Variants in PDE1C observed in about 807,000 individuals in gnomAD.
PDE1C encodes the protein dual specificity calcium/calmodulin-dependent 3',5'-cyclic nucleotide phosphodiesterase 1C.
PDE1C carries 62 observed loss-of-function variants against 93.1 expected under a neutral mutation model. That is an observed-to-expected ratio of 0.67 (90% CI 0.54 to 0.82). The LOEUF (loss-of-function observed/expected upper bound fraction) is 0.82, where lower values mean the gene tolerates loss of function less well. Among genes scored for constraint, PDE1C ranks in the 40% least tolerant of loss-of-function variants. The pLI is 0.00. For synonymous variants in PDE1C, 325 were observed against 310.1 expected, an observed-to-expected ratio of 1.05 and a Z score of -0.50; for missense variants, 742 against 884.6, an observed-to-expected ratio of 0.84 and a Z score of 2.04.
chr7:32,283,970 G>A (rs950292147), intron 1 of PDE1C, among the ~76,000 whole-genome samples: 2 of 152,176 alleles, frequency 1.3e-5, no homozygotes, highest in African/African-American at 2.4e-5. Context: ...ATACTACCTT[G>A]ATCAACAGGG....
intron 2 of PDE1C, among the ~76,000 whole-genome samples, chr7:31,905,802 A>C (rs1319975607): frequency 1.3e-5 from 2 of 152,120 alleles, no homozygotes; most frequent in Non-Finnish European, 2.9e-5. Context: ...TTAAGGGAGG[A>C]ACCTGGTAGG....
chr7:32,054,160 C>T lies in PDE1C; in HGVS notation c.102-2580G>A, dbSNP rs757189298. On this transcript the variant is annotated intron_variant, in intron 1 of 17. Transcript: ENST00000396191. ...GGGAGTGTCACCTCTTGTGGGAAGC[C>T]GCATTACACACCCTCTTCTGTGCTC... 8.5e-4 allele frequency among the ~76,000 whole-genome samples: 129 copies of T among 152,062 alleles called. 3 individuals are homozygous for T. Among genetic ancestry groups the T allele is most frequent in the Middle Eastern group, 3.4e-3 (1 of 294 alleles).
At chr7:31,711,575 C>G in the PDE1C span, among the ~76,000 whole-genome samples, 1 of 152,140 alleles carries the variant, frequency 6.6e-6, no homozygotes, top group South Asian at 2.1e-4. Flanking sequence ...GTAAATTATA[C>G]AAGTGCTTTC....
At chr7:31,939,393 A>G (rs949673526) in intron 2 of PDE1C, among the ~76,000 whole-genome samples, 1 of 152,174 alleles carries the variant, frequency 6.6e-6, no homozygotes, top group Non-Finnish European at 1.5e-5. Context: ...GTTAAAAGGA[A>G]CACACGAGTT....
chr7:32,134,841 G>A (rs1163907190), intron 3 of PDE1C, among the ~76,000 whole-genome samples: 1 of 152,076 alleles, frequency 6.6e-6, no homozygotes, highest in East Asian at 1.9e-4. Context: ...TTGATTGATG[G>A]GTGCAGCAAA....
At chr7:31,723,735 T>C in the PDE1C span, among the ~76,000 whole-genome samples, 1 of 152,162 alleles carries the variant, frequency 6.6e-6, no homozygotes, top group African/African-American at 2.4e-5. Context: ...AAGTAAGAAA[T>C]TATTCATATC....
chr7:32,043,995 G>A (rs866885888), intron 2 of PDE1C, among the ~76,000 whole-genome samples: 1 of 152,022 alleles, frequency 6.6e-6, no homozygotes, highest in African/African-American at 2.4e-5. Flanking sequence ...AATATATGAA[G>A]GATCCCAATC....
intron 1 of PDE1C, among the ~76,000 whole-genome samples, chr7:32,249,164 A>C (rs374056473): frequency 6.6e-6 from 1 of 152,164 alleles, no homozygotes; most frequent in Admixed American, 6.5e-5. Flanking sequence ...CTGGACAAGA[A>C]GGGTGCTATG....
At chr7:32,381,946 A>G (rs970627672) in intron 1 of PDE1C, among the ~76,000 whole-genome samples, 1 of 152,240 alleles carries the variant, frequency 6.6e-6, no homozygotes, top group African/African-American at 2.4e-5. Flanking sequence ...TTTACCAAGC[A>G]TGACCATATG....
intron 3 of PDE1C, among the ~76,000 whole-genome samples, chr7:32,087,754 G>A (rs1402573488): frequency 1.3e-5 from 2 of 149,628 alleles, no homozygotes; most frequent in Non-Finnish European, 3.0e-5. Context: ...CACAAGGACA[G>A]AAAACCAAAC....
chr7:31,650,512 T>C, the PDE1C span, among the ~76,000 whole-genome samples: 1 of 152,146 alleles, frequency 6.6e-6, no homozygotes, highest in Non-Finnish European at 1.5e-5. Context: ...TGGGAAGGAT[T>C]AAAAGCGTAG....
chr7:32,265,432 G>T (rs28631129), intron 1 of PDE1C, among the ~76,000 whole-genome samples: 7 of 152,092 alleles, frequency 4.6e-5, no homozygotes, highest in African/African-American at 1.7e-4. Flanking sequence ...TGGAATAACA[G>T]GAAGAGAAAA....
chr7:32,005,342 GT>G (rs1159246179), intron 2 of PDE1C, among the ~76,000 whole-genome samples: 2 of 151,924 alleles, frequency 1.3e-5, no homozygotes, highest in Non-Finnish European at 2.9e-5. Flanking sequence ...AGATCATGAT[GT>G]CAGGAGATCG....
the PDE1C span, among the ~76,000 whole-genome samples, chr7:31,669,238 T>G: frequency 2.0e-5 from 3 of 152,106 alleles, no homozygotes; most frequent in Non-Finnish European, 2.9e-5. Context: ...CTGTAGATTT[T>G]TTTTCTTCTC....
intron 2 of PDE1C, among the ~76,000 whole-genome samples, chr7:31,964,376 G>C (rs756851839): frequency 2.0e-5 from 3 of 148,416 alleles, no homozygotes; most frequent in Middle Eastern, 3.4e-3. Context: ...AGCAATCTGA[G>C]ATCAAACTGC....
intron 5 of PDE1C, among the ~76,000 whole-genome samples, chr7:31,875,027 C>T (rs968401877): frequency 6.6e-6 from 1 of 152,226 alleles, no homozygotes; most frequent in South Asian, 2.1e-4. Context: ...ACCCAGGCCT[C>T]ATCCCTTTAA....
At chr7:31,937,254 C>T (rs76746755) in intron 2 of PDE1C, among the ~76,000 whole-genome samples, 1,591 of 152,140 alleles carry the variant, frequency 0.01, 15 homozygotes, top group Non-Finnish European at 0.019. Context: ...CAAATTCCCC[C>T]GACAAGAAAC....
At chr7:32,063,647 T>A (rs1008054641) in intron 1 of PDE1C, among the ~76,000 whole-genome samples, 4 of 152,242 alleles carry the variant, frequency 2.6e-5, no homozygotes, top group African/African-American at 9.6e-5. Context: ...AATGTGAGAA[T>A]CTACTTCTTT....
the PDE1C span, among the ~76,000 whole-genome samples, chr7:31,690,791 T>C: frequency 6.6e-6 from 1 of 152,182 alleles, no homozygotes; most frequent in African/African-American, 2.4e-5. Flanking sequence ...CTTCAAATGA[T>C]TACTCTGATT....
Sources: allele counts gnomAD v4.1 joint callset (sites outside exome capture counted in the v4.1 genomes callset), GRCh38; gene constraint gnomAD v4.1.1; transcripts MANE v1.5; gene names NCBI Gene and HGNC (gene_info 2026-07-23, HGNC 2026-07-21).